Variants in CTNNAL1 observed in about 807,000 individuals in gnomAD.
The protein encoded by CTNNAL1 is catenin alpha like 1.
Under a neutral mutation model 93.6 loss-of-function variants are expected in CTNNAL1, and 69 were observed. That is an observed-to-expected ratio of 0.74 (90% CI 0.61 to 0.90). CTNNAL1 has a LOEUF of 0.90. Ranked by LOEUF, CTNNAL1 falls within the 40% of genes least tolerant of loss-of-function variation. The probability of loss-of-function intolerance (pLI) is 0.00; values close to 1 mark genes in which losing one functional copy is unlikely to be tolerated. For synonymous variants in CTNNAL1, 286 were observed against 305.4 expected, an observed-to-expected ratio of 0.94 and a Z score of 0.66; for missense variants, 836 against 862.0, an observed-to-expected ratio of 0.97 and a Z score of 0.38.
chr9:108,972,533 T>C, intron 9 of CTNNAL1, 142 bp downstream of exon 9: 4 of 719,540 alleles, frequency 5.6e-6, no homozygotes, highest in East Asian at 2.6e-5. Flanking sequence ...ACAGAACAGA[T>C]ACATGGTATG....
At position 108,952,230 on chromosome 9, in the gene CTNNAL1, T is replaced by C. The variant is rs756866570; in HGVS notation, c.1814A>G (p.Tyr605Cys). The stretch of plus-strand genomic sequence containing the variant: ...TTACCTAGTAAATAAATACAGAGAA[T>C]AGGCCATACTGGACATGTTCCGTCC... ...QYGRNMSSMAYSLYLFTRGEG... is the reference protein window; with the variant it reads ...QYGRNMSSMACSLYLFTRGEG... Residue 605 changes from tyrosine (Y) to cysteine (C), a missense_variant, in exon 14 of 19, where the codon TAT becomes TGT. Transcript: ENST00000325551. 5.0e-6 allele frequency: 8 copies of C among 1,613,164 alleles called. No individual in the cohort carries two copies. The Admixed American group carries it at 5.0e-5, about 10-fold the overall frequency.
At position 109,002,024 on chromosome 9, in the gene CTNNAL1, A is replaced by T. The variant is rs566016145; in HGVS notation, c.142-2768T>A. 2.2e-4 allele frequency among the ~76,000 whole-genome samples: 33 copies of T among 152,360 alleles called. No homozygotes were observed. The Middle Eastern group carries it at 0.02, about 94-fold the overall frequency. ...AAAATTGAAAGAACTTCGAGCGAAT[A>T]AAAACTAGAAACGTCAAAGAAACTT... On this transcript the variant is annotated intron_variant, in intron 1 of 18. Transcript: ENST00000325551.
chr9:108,978,986 A>C (rs1831341980), intron 7 of CTNNAL1, among the ~76,000 whole-genome samples: 1 of 152,120 alleles, frequency 6.6e-6, no homozygotes, highest in African/African-American at 2.4e-5. Flanking sequence ...AATTTTCCAG[A>C]GGTGAGTTTG....
intron 11 of CTNNAL1, among the ~76,000 whole-genome samples, chr9:108,958,021 G>GTT (rs1398176235): frequency 2.2e-5 from 2 of 89,400 alleles, no homozygotes; most frequent in African/African-American, 4.3e-5. Context: ...TCTGTTTTTT[G>GTT]TTTTGTTTTG....
intron 1 of CTNNAL1, among the ~76,000 whole-genome samples, chr9:109,008,362 G>T (rs1827099967): frequency 6.6e-6 from 1 of 151,976 alleles, no homozygotes; most frequent in Admixed American, 6.6e-5. Context: ...GGTCAGGCAG[G>T]TCTCAAACTC....
chr9:108,953,348 CTG>C (rs1365881054), intron 12 of CTNNAL1, among the ~76,000 whole-genome samples: 1 of 152,184 alleles, frequency 6.6e-6, no homozygotes, highest in Non-Finnish European at 1.5e-5. Flanking sequence ...TCCTCCAACT[CTG>C]AGATCTGGTG....
intron 11 of CTNNAL1, among the ~76,000 whole-genome samples, chr9:108,957,012 A>C (rs946431700): frequency 1.3e-5 from 2 of 151,706 alleles, no homozygotes; most frequent in African/African-American, 4.8e-5. Flanking sequence ...TTGATTATAT[A>C]CTAAAATATT....
At chr9:109,002,372 T>A (rs1205805992) in intron 1 of CTNNAL1, among the ~76,000 whole-genome samples, 1 of 152,046 alleles carries the variant, frequency 6.6e-6, no homozygotes, top group Non-Finnish European at 1.5e-5. Context: ...AGTTCCAACA[T>A]ATAAATTTTG....
chr9:108,972,472 T>G (rs1182652218), intron 9 of CTNNAL1, among the ~76,000 whole-genome samples: 5 of 152,204 alleles, frequency 3.3e-5, no homozygotes, highest in Non-Finnish European at 7.3e-5. Context: ...AGTTCATTTG[T>G]GGGTCTTAGC....
intron 12 of CTNNAL1, among the ~76,000 whole-genome samples, chr9:108,954,907 T>C (rs1020611188): frequency 2.6e-5 from 4 of 152,192 alleles, no homozygotes; most frequent in African/African-American, 9.6e-5. Flanking sequence ...TTCTCTCTTC[T>C]GATACTCACC....
chr9:108,945,425 T>G lies in CTNNAL1; in HGVS notation c.1885-1407A>C, dbSNP rs12349137. Among the ~76,000 whole-genome samples, 5 of 151,158 alleles carry G rather than the reference T, an allele frequency of 3.3e-5. No homozygotes were observed. In the East Asian group the frequency reaches 9.7e-4, roughly 29 times the overall value. On this transcript the variant is annotated intron_variant, in intron 15 of 18. Transcript: ENST00000325551. Reference sequence around the variant, plus strand: ...CTCTAACCTTTTAAAATGTATTTTGTTTTTTTTTACTGTTGTTATATTTTA... The same window carrying G: ...CTCTAACCTTTTAAAATGTATTTTGGTTTTTTTTACTGTTGTTATATTTTA...
rs144835474 is a variant in CTNNAL1, at chr9:108,965,396, C to T, written c.1573G>A (p.Val525Met). 3.1e-5 allele frequency: 46 copies of T among 1,496,422 alleles called. No individual in the cohort carries two copies. The African/African-American group carries it at 3.8e-4, about 12-fold the overall frequency. The allele number at this position is 1,496,422 out of a possible 1,614,324, so 92.7% of individuals were successfully genotyped here. ...TTCTCACCTCGTCTTCCTTCAAACA[C>T]GTCATTGATTTCTCTCAGCAGTGTT... is the stretch of plus-strand genomic sequence containing the variant. ...MSTLLREINDVFEGRRGEKYG... is the reference protein window; with the variant it reads ...MSTLLREINDMFEGRRGEKYG... The change falls in exon 11 of 19, where the codon GTG becomes ATG. Residue 525 changes from valine (V) to methionine (M), a missense_variant. Physicochemically the swap from Val to Met is conservative, Grantham distance 21 (BLOSUM62 1). Transcript: ENST00000325551.
chr9:108,954,220 T>C (rs546335660), intron 12 of CTNNAL1, among the ~76,000 whole-genome samples: 85 of 152,314 alleles, frequency 5.6e-4, no homozygotes, highest in African/African-American at 1.9e-3. Flanking sequence ...GTTTCAGTTA[T>C]ATAAAGCTAA....
intron 8 of CTNNAL1, 31 bp from the exon 9 acceptor site, chr9:108,972,864 G>GGGGGGGGGGGGCCCCGCCCCCCCCCCCC: frequency 7.0e-6 from 1 of 142,590 alleles, no homozygotes; most frequent in Non-Finnish European, 1.0e-5. Context: ...GGGGGGGTGG[G>GGGGGGGGGGGGCCCCGCCCCCCCCCCCC]AGGGTGGAGA....
intron 14 of CTNNAL1, among the ~76,000 whole-genome samples, chr9:108,950,901 T>C (rs1344028385): frequency 6.6e-6 from 1 of 152,190 alleles, no homozygotes; most frequent in African/African-American, 2.4e-5. Context: ...TAAAGTACTT[T>C]CTCCAATATC....
chr9:108,975,345 G>C (rs1431536858), intron 8 of CTNNAL1, among the ~76,000 whole-genome samples: 2 of 151,896 alleles, frequency 1.3e-5, no homozygotes, highest in Non-Finnish European at 2.9e-5. Context: ...GTGGGGGTAG[G>C]GGGGGCAACA....
At chr9:108,992,138 T>C in intron 3 of CTNNAL1, 1 of 711,074 alleles carries the variant, frequency 1.4e-6, no homozygotes, top group Non-Finnish European at 2.6e-6. Context: ...CTACATACAT[T>C]ATCATAGTGC....
intron 4 of CTNNAL1, 79 bp downstream of exon 4, chr9:108,990,647 C>T (rs1163249832): frequency 6.7e-7 from 1 of 1,494,490 alleles, no homozygotes; most frequent in Non-Finnish European, 8.9e-7. Flanking sequence ...CCAGTCCAAA[C>T]AATCCTAACG....
chr9:108,959,744 T>A (rs1279647609), intron 11 of CTNNAL1, among the ~76,000 whole-genome samples: 1 of 152,210 alleles, frequency 6.6e-6, no homozygotes, highest in Non-Finnish European at 1.5e-5. Context: ...TATAGAATTG[T>A]CTTCAAAGCA....
Sources: allele counts gnomAD v4.1 joint callset (sites outside exome capture counted in the v4.1 genomes callset), GRCh38; gene constraint gnomAD v4.1.1; transcripts MANE v1.5; gene names NCBI Gene and HGNC (gene_info 2026-07-23, HGNC 2026-07-21).